The following FOXP2 variants were observed in gnomAD, a reference collection of about 807,000 sequenced individuals.
FOXP2 encodes the protein forkhead box P2, also known as forkhead box protein P2.
Under a neutral mutation model 115.8 loss-of-function variants are expected in FOXP2, and 12 were observed. The ratio of observed to expected loss-of-function variants is 0.10; its 90% CI spans 0.07 to 0.17. The LOEUF (loss-of-function observed/expected upper bound fraction) is 0.17. Ranked by LOEUF, FOXP2 falls within the 10% of genes least tolerant of loss-of-function variation. The pLI is 1.00. For synonymous variants in FOXP2, 328 were observed against 297.7 expected (o/e 1.10, Z -1.05); for missense variants, 629 against 843.5 (o/e 0.75, Z 3.15).
intron 1 of FOXP2, among the ~76,000 whole-genome samples, chr7:114,424,812 GT>G (rs1393809380): frequency 1.3e-5 from 2 of 150,762 alleles, no homozygotes; most frequent in Admixed American, 1.3e-4. Flanking sequence ...GTTTTCTGTT[GT>G]TTTTTTATTA....
At chr7:114,087,494 G>T (rs986294306), upstream of FOXP2, among the ~76,000 whole-genome samples, 1 of 152,004 alleles carries the variant, frequency 6.6e-6, no homozygotes, top group Non-Finnish European at 1.5e-5. Context: ...GAGGAGCGCA[G>T]ACACCTTTCG....
At chr7:114,130,226 G>T (rs1337974008) in intron 1 of FOXP2, among the ~76,000 whole-genome samples, 8 of 152,182 alleles carry the variant, frequency 5.3e-5, no homozygotes, top group Non-Finnish European at 1.5e-5. Context: ...AGGAGACTAA[G>T]TTGGGAGGAT....
intron 1 of FOXP2, among the ~76,000 whole-genome samples, chr7:114,103,367 G>A (rs978169019): frequency 3.3e-5 from 5 of 151,998 alleles, no homozygotes; most frequent in African/African-American, 1.2e-4. Flanking sequence ...TGGGTAAAAA[G>A]GATCTCCAGC....
At chr7:114,206,909 G>A (rs1257550249) in intron 1 of FOXP2, among the ~76,000 whole-genome samples, 2 of 152,084 alleles carry the variant, frequency 1.3e-5, no homozygotes, top group Non-Finnish European at 2.9e-5. Flanking sequence ...TTATCAAATC[G>A]TAGGACATTC....
chr7:114,110,668 A>G (rs1026786285), intron 1 of FOXP2, among the ~76,000 whole-genome samples: 2 of 152,136 alleles, frequency 1.3e-5, no homozygotes, highest in African/African-American at 4.8e-5. Context: ...GACATTTCTT[A>G]TGATTATACA....
intron 1 of FOXP2, among the ~76,000 whole-genome samples, chr7:114,120,716 G>GTATA (rs938298546): frequency 6.6e-6 from 1 of 151,504 alleles, no homozygotes; most frequent in African/African-American, 2.4e-5. Context: ...GTGTGTGTGT[G>GTATA]TATATATATG....
intron 4 of FOXP2, chr7:114,629,510 T>C (rs1053295002): frequency 4.2e-6 from 5 of 1,199,502 alleles, no homozygotes; most frequent in Non-Finnish European, 5.9e-6. Flanking sequence ...TATGTGTCAG[T>C]AGGACTTCAG....
At chr7:114,304,936 T>C (rs567456587) in intron 2 of FOXP2, among the ~76,000 whole-genome samples, 1 of 152,104 alleles carries the variant, frequency 6.6e-6, no homozygotes, top group African/African-American at 2.4e-5. Context: ...ACATTAACTA[T>C]ACAAATAGTA....
intron 13 of FOXP2, among the ~76,000 whole-genome samples, chr7:114,660,264 TA>T (rs1173909141): frequency 6.6e-6 from 1 of 151,974 alleles, no homozygotes; most frequent in Non-Finnish European, 1.5e-5. Context: ...TACAAGGAGC[TA>T]AAAAAAATGT....
intron 2 of FOXP2, among the ~76,000 whole-genome samples, chr7:114,511,535 C>A (rs1460734467): frequency 6.6e-6 from 1 of 152,008 alleles, no homozygotes; most frequent in Admixed American, 6.6e-5. Flanking sequence ...CAAAGACTAG[C>A]CAGATTTTTA....
chr7:114,455,851 G>A (rs1795292273), intron 2 of FOXP2, among the ~76,000 whole-genome samples: 1 of 152,092 alleles, frequency 6.6e-6, no homozygotes, highest in African/African-American at 2.4e-5. Context: ...AAGACCCCCT[G>A]TGATCTTAAT....
At chr7:114,194,270 T>C (rs1348703448) in intron 1 of FOXP2, among the ~76,000 whole-genome samples, 1 of 152,080 alleles carries the variant, frequency 6.6e-6, no homozygotes, top group Non-Finnish European at 1.5e-5. Context: ...TGTCTTTTCT[T>C]TTTACTGGCT....
At chr7:114,440,755 C>A (rs748452635) in intron 2 of FOXP2, among the ~76,000 whole-genome samples, 10 of 152,168 alleles carry the variant, frequency 6.6e-5, no homozygotes, top group African/African-American at 2.4e-4. Context: ...TCATCCATGG[C>A]TATTCTACAG....
intron 9 of FOXP2, chr7:114,653,599 G>A (rs1806406463): frequency 2.7e-6 from 1 of 366,552 alleles, no homozygotes; most frequent in African/African-American, 2.1e-5. Context: ...AGTGTCCACA[G>A]GACTTTAAAG....
chr7:114,563,155 A>G (rs1800836549), intron 3 of FOXP2, among the ~76,000 whole-genome samples: 2 of 152,200 alleles, frequency 1.3e-5, no homozygotes, highest in South Asian at 4.1e-4. Context: ...GTTACCTCCC[A>G]CCAGGTCCCT....
chr7:114,115,505 CA>C (rs1452651894), intron 1 of FOXP2, among the ~76,000 whole-genome samples: 2 of 152,106 alleles, frequency 1.3e-5, no homozygotes, highest in African/African-American at 4.8e-5. Context: ...AACACACTGG[CA>C]TCTGTTCATT....
At chr7:114,247,458 C>T (rs1367116979) in intron 1 of FOXP2, among the ~76,000 whole-genome samples, 1 of 152,072 alleles carries the variant, frequency 6.6e-6, no homozygotes, top group Non-Finnish European at 1.5e-5. Context: ...GTGACAAAAT[C>T]CTATTTACTT....
intron 2 of FOXP2, among the ~76,000 whole-genome samples, chr7:114,395,410 G>C (rs1792712691): frequency 6.6e-6 from 1 of 152,086 alleles, no homozygotes; most frequent in Non-Finnish European, 1.5e-5. Context: ...TCAGAGGTTT[G>C]GGAAGTATTG....
intron 1 of FOXP2, among the ~76,000 whole-genome samples, chr7:114,229,627 G>A (rs1042150553): frequency 6.6e-6 from 1 of 151,386 alleles, no homozygotes; most frequent in East Asian, 1.9e-4. Context: ...TGGAAATTAA[G>A]CAACATATTC....
Sources: gnomAD v4.1 joint callset for allele counts (sites outside exome capture counted in the v4.1 genomes callset) on GRCh38, gnomAD v4.1.1 for gene constraint, MANE v1.5 for transcripts, NCBI Gene and HGNC (gene_info 2026-07-23, HGNC 2026-07-21) for gene names.